The following BMP6 variants were observed in gnomAD, a reference collection of about 807,000 sequenced individuals.
BMP6 encodes bone morphogenetic protein 6.
A neutral mutation model predicts 54.1 loss-of-function variants in BMP6; 17 were observed. The ratio of observed to expected loss-of-function variants is 0.31; its 90% CI spans 0.22 to 0.47. BMP6 has a LOEUF of 0.47. BMP6 is among the 20% of genes least tolerant of loss of function. BMP6 has a pLI of 1.00. For missense variants in BMP6, 720 were observed against 690.4 expected (o/e 1.04, Z -0.48); for synonymous variants, 328 against 291.2 (o/e 1.13, Z -1.28).
intron 1 of BMP6, among the ~76,000 whole-genome samples, chr6:7,752,398 T>C (rs1281945198): frequency 6.6e-6 from 1 of 152,162 alleles, no homozygotes; most frequent in Non-Finnish European, 1.5e-5. Flanking sequence ...GGGCACTTGC[T>C]CTCCCTTTGT....
intron 1 of BMP6, among the ~76,000 whole-genome samples, chr6:7,759,146 T>A (rs1028247452): frequency 3.9e-5 from 6 of 152,200 alleles, no homozygotes; most frequent in Non-Finnish European, 8.8e-5. Context: ...ATTCAATGAA[T>A]CAGGAGATGA....
At position 7,854,190 on chromosome 6, in the gene BMP6, A is replaced by G. The variant is rs141610824; in HGVS notation, c.858-7261A>G. On this transcript the variant is annotated intron_variant, in intron 2 of 6. Coordinates refer to ENST00000283147, the MANE Select transcript of BMP6 (RefSeq NM_001718.6). Reference sequence around the variant, plus strand: ...TCTGGAAACTATGCCTTATATATTTATCATTCATGCCTCGAAACAGATCGC... The same window carrying G: ...TCTGGAAACTATGCCTTATATATTTGTCATTCATGCCTCGAAACAGATCGC... Among the ~76,000 whole-genome samples the G allele has an allele frequency of 1.2e-4, 19 of 152,320 alleles. No homozygotes were observed. In the East Asian group the frequency reaches 3.5e-3, roughly 28 times the overall value.
chr6:7,871,714 C>A (rs1759527694), intron 4 of BMP6, among the ~76,000 whole-genome samples: 2 of 152,238 alleles, frequency 1.3e-5, no homozygotes, highest in South Asian at 4.1e-4. Context: ...TGGGCCTTGA[C>A]TGCAGCTGTG....
At chr6:7,827,204 C>G (rs764853010) in intron 1 of BMP6, among the ~76,000 whole-genome samples, 5 of 152,224 alleles carry the variant, frequency 3.3e-5, no homozygotes, top group Non-Finnish European at 7.3e-5. Flanking sequence ...GTAGCCCCAC[C>G]CTGTGCCCTC....
intron 1 of BMP6, among the ~76,000 whole-genome samples, chr6:7,794,620 AAG>A: frequency 6.6e-6 from 1 of 151,680 alleles, no homozygotes; most frequent in South Asian, 2.1e-4. Flanking sequence ...AAAAAAAAAA[AAG>A]GAGAAGAAGA....
In BMP6 at chr6:7,760,559, C is replaced by T. The variant is rs141770606; in HGVS notation, c.664+32940C>T. Among the ~76,000 whole-genome samples the T allele has an allele frequency of 6.0e-3, 908 of 152,176 alleles. 14 individuals carry two copies. Among genetic ancestry groups the T allele is most frequent in the African/African-American group, 0.021 (872 of 41,510 alleles). On this transcript the variant is annotated intron_variant, in intron 1 of 6. Transcript: ENST00000283147. ...TCAGCTCTCTGCAACCTTCACCTCC[C>T]GGGTTCCAGCAATTCTCCCTGCCTC... is the stretch of plus-strand genomic sequence containing the variant.
intron 1 of BMP6, among the ~76,000 whole-genome samples, chr6:7,743,144 G>C (rs1283914246): frequency 3.3e-5 from 5 of 152,144 alleles, no homozygotes; most frequent in Non-Finnish European, 5.9e-5. Flanking sequence ...CTATCAAGTG[G>C]TAATCTTCTG....
At chr6:7,801,221 A>G (rs1489668534) in intron 1 of BMP6, among the ~76,000 whole-genome samples, 3 of 152,158 alleles carry the variant, frequency 2.0e-5, no homozygotes, top group Admixed American at 6.5e-5. Flanking sequence ...ATCCTCTTAA[A>G]AATTTTCTTG....
At chr6:7,852,935 C>T (rs1385960485) in intron 2 of BMP6, among the ~76,000 whole-genome samples, 2 of 151,238 alleles carry the variant, frequency 1.3e-5, no homozygotes, top group African/African-American at 4.9e-5. Flanking sequence ...TCCATGCAGC[C>T]CCCTTTTTTT....
intron 1 of BMP6, among the ~76,000 whole-genome samples, chr6:7,730,212 C>T (rs923159801): frequency 2.0e-5 from 3 of 152,192 alleles, no homozygotes; most frequent in Non-Finnish European, 4.4e-5. Flanking sequence ...CTGAGTCACA[C>T]TGCTTAAAGC....
Position 7,727,398 on chromosome 6 carries a change from A to T in BMP6, c.443A>T (p.Asp148Val). The change falls in exon 1 of 7, where the codon GAC becomes GTC. Residue 148 changes from aspartate to valine, a missense_variant. This residue lies in a region of BMP6 where 650 missense variants were observed against 556.3 expected (regional missense o/e 1.17). Transcript: ENST00000283147. The stretch of plus-strand genomic sequence containing the variant: ...TACAACGCCCTGTCCGCCGACAACG[A>T]CGAGGACGGGGCGTCGGAGGGGGAG... ...DLYNALSADN[D>V]EDGASEGERQ... 1 of 1,607,442 alleles carries T rather than the reference A, an allele frequency of 6.2e-7. No homozygotes were observed. The highest frequency in any genetic ancestry group is 8.5e-7 in the Non-Finnish European group (1 of 1,177,742).
chr6:7,733,583 G>T (rs527406229), intron 1 of BMP6, among the ~76,000 whole-genome samples: 1 of 152,310 alleles, frequency 6.6e-6, no homozygotes, highest in Admixed American at 6.5e-5. Flanking sequence ...GGTGTCACCT[G>T]GGGGGCAGAT....
At chr6:7,854,288 C>T (rs1375884643) in intron 2 of BMP6, among the ~76,000 whole-genome samples, 2 of 151,998 alleles carry the variant, frequency 1.3e-5, no homozygotes, top group Non-Finnish European at 2.9e-5. Flanking sequence ...GTTAAGATTA[C>T]TTTGTAACCC....
At chr6:7,777,431 C>G (rs905143133) in intron 1 of BMP6, among the ~76,000 whole-genome samples, 8 of 152,262 alleles carry the variant, frequency 5.3e-5, no homozygotes, top group Non-Finnish European at 8.8e-5. Context: ...TCCAAGTATT[C>G]TAAAGCTCCC....
intron 1 of BMP6, among the ~76,000 whole-genome samples, chr6:7,797,778 C>T (rs147150949): frequency 4.7e-4 from 72 of 152,106 alleles, no homozygotes; most frequent in Middle Eastern, 3.4e-3. Context: ...AAGAAGAGAC[C>T]GATACAAGTT....
chr6:7,843,434 C>CT (rs1581273281), intron 1 of BMP6, among the ~76,000 whole-genome samples: 1 of 146,602 alleles, frequency 6.8e-6, no homozygotes, highest in Non-Finnish European at 1.5e-5. Flanking sequence ...TTTTTCTTTT[C>CT]TTTTCTTTCT....
At chr6:7,875,288 T>G (rs1404293665) in intron 4 of BMP6, among the ~76,000 whole-genome samples, 1 of 152,230 alleles carries the variant, frequency 6.6e-6, no homozygotes, top group African/African-American at 2.4e-5. Context: ...AGATGATACC[T>G]ATCCGTGTTG....
intron 1 of BMP6, among the ~76,000 whole-genome samples, chr6:7,761,154 C>CT (rs1757607371): frequency 6.6e-6 from 1 of 152,266 alleles, no homozygotes; most frequent in Non-Finnish European, 1.5e-5. Flanking sequence ...TTCTCCAAGA[C>CT]TATCTTTGGA....
intron 1 of BMP6, among the ~76,000 whole-genome samples, chr6:7,827,937 A>C (rs762159447): frequency 4.6e-5 from 7 of 152,242 alleles, no homozygotes; most frequent in Non-Finnish European, 8.8e-5. Context: ...GACAGCGTTC[A>C]GGTAGGGATT....
Sources: allele counts gnomAD v4.1 joint callset (sites outside exome capture counted in the v4.1 genomes callset), GRCh38; gene constraint gnomAD v4.1.1; regional missense constraint gnomAD v4.1.1; transcripts MANE v1.5; gene names NCBI Gene and HGNC (gene_info 2026-07-23, HGNC 2026-07-21).